The following MEIKIN variants were observed in gnomAD, a reference collection of about 807,000 sequenced individuals.
MEIKIN encodes the protein meiosis-specific kinetochore protein.
At chr5:131,927,912 G>A (rs13169717) in intron 5 of MEIKIN, among the ~76,000 whole-genome samples, 1,784 of 152,136 alleles carry the variant, frequency 0.012, 20 homozygotes, top group Non-Finnish European at 0.018. Flanking sequence ...TTGGGAGTCC[G>A]AGACGGGCGG....
Position 131,820,357 on chromosome 5 carries a change from G to C in MEIKIN, c.976-1494C>G, listed in dbSNP as rs554463095. ...CTGCCTCAGCCTCCCAAAGTGCTGGGATTACAGATGTGAACCACCGTGCCT... is the reference window on the plus strand; with the variant it reads ...CTGCCTCAGCCTCCCAAAGTGCTGGCATTACAGATGTGAACCACCGTGCCT... On this transcript the variant is annotated intron_variant, in intron 11 of 12. Transcript: ENST00000442687. Among the ~76,000 whole-genome samples, 6 of 152,288 alleles carry C rather than the reference G, an allele frequency of 3.9e-5. No homozygotes were observed. The South Asian group carries it at 1.2e-3, about 32-fold the overall frequency.
rs1561753124 is a variant in MEIKIN at position 131,912,028 on chromosome 5, T to C, written c.639-149A>G. 30 of 381,462 alleles carry C rather than the reference T, an allele frequency of 7.9e-5. 1 individual carries two copies. The East Asian group carries it at 1.1e-3, about 14-fold the overall frequency. The allele number at this position is 381,462 out of a possible 1,614,324, so 23.6% of individuals were successfully genotyped here. ...AGTTGCTTAGAAAAATGTTATGGTATTTATATGAACAAATAGTTTAATAAA... is the reference window on the plus strand; with the variant it reads ...AGTTGCTTAGAAAAATGTTATGGTACTTATATGAACAAATAGTTTAATAAA... On this transcript the variant is annotated intron_variant, in intron 7 of 12. Coordinates refer to ENST00000442687, the MANE Select transcript of MEIKIN (RefSeq NM_001303622.2).
intron 11 of MEIKIN, among the ~76,000 whole-genome samples, chr5:131,848,536 A>G (rs546514259): frequency 6.6e-6 from 1 of 152,326 alleles, no homozygotes; most frequent in Non-Finnish European, 1.5e-5. Flanking sequence ...CAGTAATGAA[A>G]AAACTCCCAA....
intron 11 of MEIKIN, among the ~76,000 whole-genome samples, chr5:131,835,499 G>A (rs1749789970): frequency 6.6e-6 from 1 of 152,016 alleles, no homozygotes; most frequent in African/African-American, 2.4e-5. Flanking sequence ...TATGATTTCA[G>A]GTCTTACATT....
chr5:131,937,768 G>A (rs555881222), intron 4 of MEIKIN, among the ~76,000 whole-genome samples: 19 of 151,992 alleles, frequency 1.3e-4, no homozygotes, highest in African/African-American at 4.1e-4. Context: ...ATTCTTGATC[G>A]CTTATTGCAA....
At chr5:131,865,286 C>T (rs1171378246) in intron 9 of MEIKIN, among the ~76,000 whole-genome samples, 1 of 151,648 alleles carries the variant, frequency 6.6e-6, no homozygotes, top group Non-Finnish European at 1.5e-5. Context: ...GTGGCACAAT[C>T]TCCACTCACT....
intron 9 of MEIKIN, among the ~76,000 whole-genome samples, chr5:131,861,268 A>G (rs1750280994): frequency 6.6e-6 from 1 of 152,040 alleles, no homozygotes; most frequent in Admixed American, 6.6e-5. Flanking sequence ...GCATGCCTGT[A>G]GTCCCAGCTA....
At chr5:131,878,739 T>G (rs1179312541) in intron 9 of MEIKIN, among the ~76,000 whole-genome samples, 1 of 151,916 alleles carries the variant, frequency 6.6e-6, no homozygotes, top group Non-Finnish European at 1.5e-5. Flanking sequence ...GGCGTGGTAG[T>G]GCATGCATGC....
At chr5:131,912,308 A>T (rs1038127706) in intron 7 of MEIKIN, among the ~76,000 whole-genome samples, 21 of 150,024 alleles carry the variant, frequency 1.4e-4, no homozygotes, top group Non-Finnish European at 2.4e-4. Flanking sequence ...TTATTATTAT[A>T]TTATTATTAT....
chr5:131,849,431 A>G (rs1373563921), intron 11 of MEIKIN, among the ~76,000 whole-genome samples: 1 of 86,418 alleles, frequency 1.2e-5, no homozygotes, highest in African/African-American at 4.4e-5. Flanking sequence ...CTTTATATAT[A>G]TAAAGAAACC....
chr5:131,920,630 T>A (rs182131447), intron 6 of MEIKIN, among the ~76,000 whole-genome samples: 6 of 152,112 alleles, frequency 3.9e-5, no homozygotes, highest in Middle Eastern at 3.2e-3. Context: ...CCCTTTGATA[T>A]GATATGATAC....
chr5:131,924,292 G>A (rs1751554570), intron 5 of MEIKIN, among the ~76,000 whole-genome samples: 2 of 152,118 alleles, frequency 1.3e-5, no homozygotes, highest in Admixed American at 6.5e-5. Context: ...GAATAAGGGA[G>A]TGCTAATATC....
chr5:131,832,829 G>A (rs1561726016), intron 11 of MEIKIN, among the ~76,000 whole-genome samples: 1 of 152,350 alleles, frequency 6.6e-6, no homozygotes, highest in Middle Eastern at 3.4e-3. Flanking sequence ...GCCAGAGCTA[G>A]AGTGGCGAGG....
At chr5:131,823,587 C>T (rs1402770290) in intron 11 of MEIKIN, among the ~76,000 whole-genome samples, 1 of 151,922 alleles carries the variant, frequency 6.6e-6, no homozygotes, top group African/African-American at 2.4e-5. Context: ...ATTCTAAATT[C>T]CTTCTCTATG....
intron 4 of MEIKIN, among the ~76,000 whole-genome samples, chr5:131,941,146 T>A (rs1751863774): frequency 4.2e-5 from 3 of 71,990 alleles, no homozygotes; most frequent in African/African-American, 1.7e-4. Flanking sequence ...CTCTTCCTTT[T>A]TTTTTTTTTT....
At chr5:131,807,700 T>C (rs1365152241) in intron 12 of MEIKIN, among the ~76,000 whole-genome samples, 1 of 152,230 alleles carries the variant, frequency 6.6e-6, no homozygotes, top group Admixed American at 6.5e-5. Flanking sequence ...TGAACCCAGG[T>C]TCCATCCCGA....
intron 12 of MEIKIN, among the ~76,000 whole-genome samples, chr5:131,818,077 A>C (rs1173235760): frequency 6.6e-6 from 1 of 152,224 alleles, no homozygotes; most frequent in Non-Finnish European, 1.5e-5. Context: ...ATCTTGGACA[A>C]ATTCCTTACT....
intron 11 of MEIKIN, among the ~76,000 whole-genome samples, chr5:131,820,164 C>T (rs1253819534): frequency 6.6e-6 from 1 of 151,636 alleles, no homozygotes; most frequent in African/African-American, 2.4e-5. Context: ...CTCTGCCTCC[C>T]AGGTCCAAGT....
intron 8 of MEIKIN, among the ~76,000 whole-genome samples, chr5:131,889,159 T>G (rs1750860324): frequency 6.6e-6 from 1 of 152,218 alleles, no homozygotes; most frequent in South Asian, 2.1e-4. Flanking sequence ...CCTCCAGCTT[T>G]GTTCTTTTGG....
Sources: gnomAD v4.1 joint callset for allele counts (sites outside exome capture counted in the v4.1 genomes callset) on GRCh38, gnomAD v4.1.1 for gene constraint, MANE v1.5 for transcripts, NCBI Gene and HGNC (gene_info 2026-07-23, HGNC 2026-07-21) for gene names.